FAM83B: variants seen among roughly 807,000 people sequenced by gnomAD.
FAM83B encodes the protein protein FAM83B.
FAM83B carries 26 observed loss-of-function variants against 38.8 expected under a neutral mutation model. The observed-to-expected ratio is 0.67, with a 90% CI of 0.49 to 0.93. The LOEUF is 0.93. FAM83B is among the 40% of genes least tolerant of loss of function. The probability of loss-of-function intolerance (pLI) is 0.00; values close to 1 mark genes in which losing one functional copy is unlikely to be tolerated. For synonymous variants in FAM83B, 419 were observed against 423.1 expected (o/e 0.99, Z 0.12); for missense variants, 1,237 against 1,197.3 (o/e 1.03, Z -0.49).
intron 2 of FAM83B, among the ~76,000 whole-genome samples, chr6:54,895,207 A>G (rs1162170578): frequency 6.6e-6 from 1 of 152,222 alleles, no homozygotes; most frequent in Non-Finnish European, 1.5e-5. Context: ...TCAGTGAGAA[A>G]AACATTACAA....
At chr6:54,868,407 T>G (rs1245298802) in intron 1 of FAM83B, among the ~76,000 whole-genome samples, 1 of 152,126 alleles carries the variant, frequency 6.6e-6, no homozygotes, top group Non-Finnish European at 1.5e-5. Flanking sequence ...CCACTGAACT[T>G]GAATGAAATG....
intron 1 of FAM83B, among the ~76,000 whole-genome samples, chr6:54,855,622 C>A (rs1237708537): frequency 1.3e-5 from 2 of 152,014 alleles, no homozygotes; most frequent in Non-Finnish European, 2.9e-5. Context: ...TCCCATTTAG[C>A]ATGTTAAATC....
rs573734851 is a variant in FAM83B, at chr6:54,906,017, T to C, written c.445-20354T>C. 1.4e-4 allele frequency among the ~76,000 whole-genome samples: 21 copies of C among 150,964 alleles called. No individual in the cohort carries two copies. The South Asian group carries it at 4.2e-3, about 30-fold the overall frequency. ...AGTTTATATATATTCTCCCTGACAC[T>C]ATCCTTTTGCCTTCATTCCACTGCA... On this transcript the variant is annotated intron_variant, in intron 2 of 4. Coordinates refer to ENST00000306858, the MANE Select transcript of FAM83B (RefSeq NM_001010872.3).
chr6:54,877,292 A>G (rs1161326233), intron 2 of FAM83B, among the ~76,000 whole-genome samples: 1 of 151,896 alleles, frequency 6.6e-6, no homozygotes, highest in Non-Finnish European at 1.5e-5. Flanking sequence ...GCATCTTATC[A>G]AAAGTTAACT....
intron 1 of FAM83B, among the ~76,000 whole-genome samples, chr6:54,857,050 T>G (rs757686268): frequency 3.3e-5 from 5 of 152,248 alleles, no homozygotes; most frequent in Non-Finnish European, 5.9e-5. Context: ...TGCCACTAAA[T>G]GTATGTAACA....
intron 2 of FAM83B, among the ~76,000 whole-genome samples, chr6:54,886,424 T>G (rs1290732974): frequency 1.3e-5 from 2 of 152,134 alleles, no homozygotes; most frequent in Admixed American, 1.3e-4. Flanking sequence ...TTTATGAGCC[T>G]AATTTTAATT....
At chr6:54,904,161 A>C (rs1772725452) in intron 2 of FAM83B, among the ~76,000 whole-genome samples, 2 of 152,126 alleles carry the variant, frequency 1.3e-5, no homozygotes, top group Non-Finnish European at 2.9e-5. Flanking sequence ...GTTTTTAAAA[A>C]CTTATAAATG....
At chr6:54,894,853 G>C (rs1199158076) in intron 2 of FAM83B, among the ~76,000 whole-genome samples, 1 of 152,216 alleles carries the variant, frequency 6.6e-6, no homozygotes, top group African/African-American at 2.4e-5. Flanking sequence ...GTGGTTGAGA[G>C]CATGAACTCG....
Position 54,940,384 on chromosome 6 carries a change from T to G in FAM83B, c.1413T>G (p.Asp471Glu), listed in dbSNP as rs1773643402. The change falls in exon 5 of 5, where the codon GAT becomes GAG. Residue 471 changes from aspartate to glutamate, a missense_variant. Transcript: ENST00000306858. Reference protein sequence around the residue: ...SNVRRSFNGTDNHIRFLQQRM... With the variant: ...SNVRRSFNGTENHIRFLQQRM... ...TTCGGAGGTCTTTTAATGGGACAGATAACCATATCCGCTTTTTGCAACAAC... is the reference window on the plus strand; with the variant it reads ...TTCGGAGGTCTTTTAATGGGACAGAGAACCATATCCGCTTTTTGCAACAAC... 6.2e-7 allele frequency: 1 copy of G among 1,614,080 alleles called. No individual in the cohort carries two copies. Among genetic ancestry groups the G allele is most frequent in the Middle Eastern group, 1.7e-4 (1 of 6,060 alleles).
chr6:54,935,332 A>G (rs2127590476), intron 4 of FAM83B, among the ~76,000 whole-genome samples: 1 of 152,256 alleles, frequency 6.6e-6, no homozygotes, highest in African/African-American at 2.4e-5. Flanking sequence ...AAACCATCTG[A>G]TAGTGGTAAT....
intron 2 of FAM83B, among the ~76,000 whole-genome samples, chr6:54,884,899 A>T (rs1276990143): frequency 5.3e-5 from 8 of 151,536 alleles, no homozygotes; most frequent in Admixed American, 3.9e-4. Context: ...CAGCCTCTCG[A>T]GTAGCTGGGA....
intron 2 of FAM83B, among the ~76,000 whole-genome samples, chr6:54,914,169 G>T (rs927426355): frequency 6.6e-6 from 1 of 151,914 alleles, no homozygotes; most frequent in Non-Finnish European, 1.5e-5. Context: ...TGTTTTCTAG[G>T]TGTCTTTAAA....
intron 2 of FAM83B, among the ~76,000 whole-genome samples, chr6:54,884,299 T>TAAA (rs70983475): frequency 0.026 from 2,133 of 82,240 alleles, 162 homozygotes; most frequent in African/African-American, 0.11. Context: ...AGACCCCGTC[T>TAAA]AAAAAAAAAA....
At chr6:54,899,170 G>T (rs1772601922) in intron 2 of FAM83B, among the ~76,000 whole-genome samples, 1 of 152,110 alleles carries the variant, frequency 6.6e-6, no homozygotes, top group Admixed American at 6.5e-5. Context: ...GTTTTAATTT[G>T]TCATGAAATC....
chr6:54,939,426 C>T (rs967876723), intron 4 of FAM83B, among the ~76,000 whole-genome samples: 6 of 152,014 alleles, frequency 3.9e-5, no homozygotes, highest in Admixed American at 6.6e-5. Context: ...ATGGGAATTG[C>T]ATTGAATCTG....
chr6:54,850,162 C>T (rs1771238997), intron 1 of FAM83B, among the ~76,000 whole-genome samples: 1 of 152,132 alleles, frequency 6.6e-6, no homozygotes, highest in African/African-American at 2.4e-5. Context: ...TTTGTAGTTC[C>T]TTCCTATTCT....
At position 54,941,049 on chromosome 6, in the gene FAM83B, T is replaced by TTAGACAACCAGAA. The variant is rs773499736; in HGVS notation, c.2079_2091dup (p.Lys698Ter). 6.2e-7 allele frequency: 1 copy of TTAGACAACCAGAA among 1,613,600 alleles called. No homozygotes were observed. The highest frequency in any genetic ancestry group is 1.1e-5 in the South Asian group (1 of 90,944). On this transcript the variant is annotated frameshift_variant, in exon 5 of 5. Transcript: ENST00000306858. LOFTEE classifies it high-confidence loss of function. ...TATAGTACACTTACCAGGAATCGAGTTAGACAACCAGAAAAGCCCAAAGAA... is the reference window on the plus strand; with the variant it reads ...TATAGTACACTTACCAGGAATCGAGTTAGACAACCAGAATAGACAACCAGAAAAGCCCAAAGAA...
chr6:54,940,487 G>A lies in FAM83B; in HGVS notation c.1516G>A (p.Glu506Lys), dbSNP rs1773647269. ...TGAATCCTACTTAAATGATCATTCA[G>A]AAGCTACACCGGACTCAAATGGATC... Reference protein sequence around the residue: ...RIESYLNDHSEATPDSNGSAL... With the variant: ...RIESYLNDHSKATPDSNGSAL... The change falls in exon 5 of 5, where the codon GAA becomes AAA. Residue 506 changes from glutamate to lysine, a missense_variant. Transcript: ENST00000306858. The A allele has an allele frequency of 6.2e-7, 1 of 1,613,914 alleles. No homozygotes were observed. Among genetic ancestry groups the A allele is most frequent in the African/African-American group, 1.3e-5 (1 of 74,904 alleles).
At chr6:54,918,562 G>C (rs1412808395) in intron 2 of FAM83B, among the ~76,000 whole-genome samples, 1 of 151,806 alleles carries the variant, frequency 6.6e-6, no homozygotes, top group Non-Finnish European at 1.5e-5. Context: ...GTGAAGTGGG[G>C]GAAAGCCTCT....
Sources: allele counts gnomAD v4.1 joint callset (sites outside exome capture counted in the v4.1 genomes callset), GRCh38; gene constraint gnomAD v4.1.1; transcripts MANE v1.5; gene names NCBI Gene and HGNC (gene_info 2026-07-23, HGNC 2026-07-21).